Variants in LARGE1 observed in about 807,000 individuals in gnomAD.
LARGE1 encodes LARGE xylosyl- and glucuronyltransferase 1, also known as xylosyl- and glucuronyltransferase LARGE1.
In LARGE1, 43 loss-of-function variants were observed where a neutral mutation model predicts 87.6. That is an observed-to-expected ratio of 0.49 (90% CI 0.38 to 0.63). The LOEUF (loss-of-function observed/expected upper bound fraction) is 0.63, where lower values mean the gene tolerates loss of function less well. LARGE1 is among the 30% of genes least tolerant of loss of function. LARGE1 has a pLI of 0.00. For missense variants in LARGE1, 802 were observed against 1,000.2 expected (o/e 0.80, Z 2.67); for synonymous variants, 434 against 394.6 (o/e 1.10, Z -1.18).
At chr22:33,437,815 G>A (rs1411346623) in intron 6 of LARGE1, among the ~76,000 whole-genome samples, 1 of 152,188 alleles carries the variant, frequency 6.6e-6, no homozygotes, top group African/African-American at 2.4e-5. Context: ...TAGAAGAGGA[G>A]ACAGATAAAC....
the LARGE1 span, among the ~76,000 whole-genome samples, chr22:33,114,645 C>T: frequency 1.3e-5 from 2 of 152,204 alleles, no homozygotes; most frequent in Non-Finnish European, 2.9e-5. Flanking sequence ...TGTTTCTATG[C>T]CAGGTTCACA....
At chr22:33,599,223 A>G (rs963993003) in intron 5 of LARGE1, among the ~76,000 whole-genome samples, 1 of 152,220 alleles carries the variant, frequency 6.6e-6, no homozygotes, top group African/African-American at 2.4e-5. Flanking sequence ...ACTTGTTAGC[A>G]GTCTAATCTT....
intron 9 of LARGE1, among the ~76,000 whole-genome samples, chr22:33,339,422 C>G (rs1487028506): frequency 1.3e-5 from 2 of 151,932 alleles, no homozygotes; most frequent in African/African-American, 4.8e-5. Flanking sequence ...TGCCCTGGAC[C>G]TGAGAGGCCC....
At chr22:33,915,036 C>CAGAGAGAGAGAGAG (rs1297064314) in intron 1 of LARGE1, among the ~76,000 whole-genome samples, 1 of 116,802 alleles carries the variant, frequency 8.6e-6, no homozygotes, top group African/African-American at 3.5e-5. Flanking sequence ...CACACACACA[C>CAGAGAGAGAGAGAG]ACACACAGAG....
rs150423684 is a variant in LARGE1 at position 33,327,595 on chromosome 22, G to A, written c.1287+10051C>T. On this transcript the variant is annotated intron_variant, in intron 10 of 14. Transcript: ENST00000397394. ...TAGGGCCACGGGGTCTTGCTCTGTC[G>A]CTCAGGCTAGAGTGTGGTGGTGCCG... Among the ~76,000 whole-genome samples the A allele has an allele frequency of 7.4e-4, 113 of 152,244 alleles. 4 individuals carry two copies. In the East Asian group the frequency reaches 0.017, roughly 22 times the overall value.
chr22:33,407,740 G>A lies in LARGE1; in HGVS notation c.893-23436C>T, dbSNP rs7284475. On this transcript the variant is annotated intron_variant, in intron 7 of 14. Transcript: ENST00000397394. ...TGCTTTCTGCTATGCTGTGGACCTC[G>A]GTCAGCAAATTTTTTCTGAAAGGGC... 4.7e-3 allele frequency among the ~76,000 whole-genome samples: 713 copies of A among 152,100 alleles called. 3 individuals carry two copies. The highest frequency in any genetic ancestry group is 0.016 in the African/African-American group (662 of 41,500).
At chr22:33,615,190 T>C (rs775731287) in intron 4 of LARGE1, among the ~76,000 whole-genome samples, 1 of 152,236 alleles carries the variant, frequency 6.6e-6, no homozygotes, top group Non-Finnish European at 1.5e-5. Context: ...AAGAATCTTA[T>C]ACCTAGATTT....
intron 10 of LARGE1, among the ~76,000 whole-genome samples, chr22:33,335,517 G>A (rs1454993213): frequency 6.6e-6 from 1 of 152,150 alleles, no homozygotes; most frequent in African/African-American, 2.4e-5. Context: ...CTGCCATTGG[G>A]AGCCTAAAAG....
At chr22:33,540,755 C>T (rs1208655798) in intron 6 of LARGE1, among the ~76,000 whole-genome samples, 1 of 152,050 alleles carries the variant, frequency 6.6e-6, no homozygotes, top group African/African-American at 2.4e-5. Context: ...CATCATTATT[C>T]TTCACGTGCT....
At chr22:33,809,509 G>C (rs1035743423) in intron 1 of LARGE1, among the ~76,000 whole-genome samples, 6 of 152,218 alleles carry the variant, frequency 3.9e-5, no homozygotes, top group Non-Finnish European at 8.8e-5. Context: ...TGCAAGGACA[G>C]ATGGATGAAT....
chr22:33,422,509 A>AC lies in LARGE1; in HGVS notation c.892+9651dup, dbSNP rs1157733282. Reference sequence around the variant, plus strand: ...GAGAACGAGCTTGGAAGTGCTACACACTTTTTTTTTTTTTTTTTGAGATGG... The same window carrying AC: ...GAGAACGAGCTTGGAAGTGCTACACACCTTTTTTTTTTTTTTTTTGAGATGG... On this transcript the variant is annotated intron_variant, in intron 7 of 14. Transcript: ENST00000397394. 4.3e-3 allele frequency among the ~76,000 whole-genome samples: 621 copies of AC among 144,092 alleles called. 1 individual carries two copies. The highest frequency in any genetic ancestry group is 7.2e-3 in the Non-Finnish European group (481 of 66,550). The allele number at this position is 144,092 out of a possible 152,430, so 94.5% of individuals were successfully genotyped here.
At chr22:33,237,196 C>T (rs1266317261) in intron 11 of LARGE1, among the ~76,000 whole-genome samples, 5 of 152,114 alleles carry the variant, frequency 3.3e-5, no homozygotes, top group Non-Finnish European at 5.9e-5. Context: ...ACTTGCTATC[C>T]GTCCAGACAA....
At chr22:33,240,855 C>A (rs1450663963) in intron 11 of LARGE1, among the ~76,000 whole-genome samples, 1 of 151,972 alleles carries the variant, frequency 6.6e-6, no homozygotes, top group Non-Finnish European at 1.5e-5. Flanking sequence ...GTGTCTGAGC[C>A]CCTTATGCTC....
At chr22:33,744,592 C>T (rs548427569) in intron 2 of LARGE1, among the ~76,000 whole-genome samples, 132 of 152,210 alleles carry the variant, frequency 8.7e-4, no homozygotes, top group Non-Finnish European at 1.7e-3. Flanking sequence ...GACCTCTGGC[C>T]CTACAGGGCC....
chr22:33,531,167 G>T (rs1159738565), intron 6 of LARGE1, among the ~76,000 whole-genome samples: 2 of 151,986 alleles, frequency 1.3e-5, no homozygotes, highest in Admixed American at 1.3e-4. Context: ...GTTTTGTTTT[G>T]TTTTTTTGAG....
intron 2 of LARGE1, among the ~76,000 whole-genome samples, chr22:33,759,905 AG>A (rs2084660951): frequency 6.6e-6 from 1 of 152,146 alleles, no homozygotes; most frequent in African/African-American, 2.4e-5. Flanking sequence ...TGACTGTTCC[AG>A]GGATGCACCT....
chr22:33,734,216 C>T (rs1290242906), intron 2 of LARGE1, among the ~76,000 whole-genome samples: 1 of 152,212 alleles, frequency 6.6e-6, no homozygotes, highest in African/African-American at 2.4e-5. Context: ...GTTTGATTAT[C>T]TGCAAAGACC....
the LARGE1 span, among the ~76,000 whole-genome samples, chr22:33,119,887 C>G: frequency 1.3e-5 from 2 of 152,172 alleles, no homozygotes; most frequent in South Asian, 2.1e-4. Context: ...AGAGCATTTT[C>G]TCTGATAATC....
In LARGE1 at chr22:33,529,738, G is replaced by C. The variant is rs567722327; in HGVS notation, c.787+35110C>G. Among the ~76,000 whole-genome samples, 8 of 152,272 alleles carry C rather than the reference G, an allele frequency of 5.3e-5. No homozygotes were observed. In the East Asian group the frequency reaches 1.4e-3, roughly 26 times the overall value. ...TTCTAAGATGCAGGATGGTAAAATA[G>C]GAAGCACACGGGCTTCAAAGGCAAA... On this transcript the variant is annotated intron_variant, in intron 6 of 14. Coordinates refer to ENST00000397394, the MANE Select transcript of LARGE1 (RefSeq NM_133642.5).
Sources: allele counts gnomAD v4.1 joint callset (sites outside exome capture counted in the v4.1 genomes callset), GRCh38; gene constraint gnomAD v4.1.1; transcripts MANE v1.5; gene names NCBI Gene and HGNC (gene_info 2026-07-23, HGNC 2026-07-21).